Variants in NR3C1 observed in about 807,000 individuals in gnomAD.
NR3C1 encodes the protein glucocorticoid receptor.
NR3C1 carries 14 observed loss-of-function variants against 74.0 expected under a neutral mutation model. That is an observed-to-expected ratio of 0.19 (90% CI 0.12 to 0.30). The LOEUF is 0.30. Ranked by LOEUF, NR3C1 falls within the 10% of genes least tolerant of loss-of-function variation. NR3C1 has a pLI of 1.00. For missense variants in NR3C1, 695 were observed against 909.8 expected, an observed-to-expected ratio of 0.76 and a Z score of 3.04; for synonymous variants, 308 against 332.5, an observed-to-expected ratio of 0.93 and a Z score of 0.80.
chr5:143,287,266 CCAA>C (rs1356632416), intron 7 of NR3C1, among the ~76,000 whole-genome samples: 8 of 151,864 alleles, frequency 5.3e-5, no homozygotes, highest in Admixed American at 1.3e-4. Flanking sequence ...TTTGTAAAGA[CCAA>C]CAAAATTGAT....
chr5:143,387,690 C>T lies in NR3C1; in HGVS notation c.1184+11966G>A, dbSNP rs75495982. The stretch of plus-strand genomic sequence containing the variant: ...TTTCTCTTTTCTGCGACTGTCATTG[C>T]CATATTAGGTTGAACTCTCCTATAA... On this transcript the variant is annotated intron_variant, in intron 2 of 8. Transcript: ENST00000394464. 1.0e-3 allele frequency among the ~76,000 whole-genome samples: 154 copies of T among 152,218 alleles called. 3 individuals carry two copies. The East Asian group carries it at 0.022, about 22-fold the overall frequency.
chr5:143,305,819 C>T (rs1192223380), intron 4 of NR3C1, among the ~76,000 whole-genome samples: 2 of 152,094 alleles, frequency 1.3e-5, no homozygotes, highest in African/African-American at 4.8e-5. Flanking sequence ...CAATCATACT[C>T]CAAACACCGG....
intron 6 of NR3C1, among the ~76,000 whole-genome samples, chr5:143,296,155 A>G (rs1040334681): frequency 1.3e-5 from 2 of 152,208 alleles, no homozygotes; most frequent in Non-Finnish European, 2.9e-5. Flanking sequence ...ATTCTTGCTT[A>G]TGATTCTGAA....
chr5:143,307,872 A>T (rs1229877391), intron 4 of NR3C1, among the ~76,000 whole-genome samples: 1 of 152,246 alleles, frequency 6.6e-6, no homozygotes, highest in Admixed American at 6.5e-5. Flanking sequence ...TAACAAAAAT[A>T]AACTACCCTT....
intron 2 of NR3C1, among the ~76,000 whole-genome samples, chr5:143,398,948 A>C (rs1009922138): frequency 3.3e-5 from 5 of 152,200 alleles, no homozygotes; most frequent in African/African-American, 1.2e-4. Flanking sequence ...ACTTGCAGGA[A>C]CATTTGAACG....
Position 143,300,664 on chromosome 5 carries a change from G to C in NR3C1, c.1568C>G (p.Ala523Gly). ...GGTAGGGGTGAGTTGTGGTAACGTT[G>C]CAGGAACTATTGTTTTGTTACCAGG... ...ENPGNKTIVP[A>G]TLPQLTPTLV... Residue 523 changes from alanine (A) to glycine (G), a missense_variant, in exon 5 of 9, where the codon GCA becomes GGA. By Grantham distance (60) the Ala-to-Gly change is moderately conservative (BLOSUM62 0). This residue lies in a region of NR3C1 where 42 missense variants were observed against 49.3 expected (regional missense o/e 0.85). Coordinates refer to ENST00000394464, the MANE Select transcript of NR3C1 (RefSeq NM_000176.3). This position sits in a 1 kb window ranked among gnomAD's most constrained non-coding sequence, Gnocchi z 5.2. The C allele has an allele frequency of 6.2e-7, 1 of 1,614,142 alleles. No individual in the cohort carries two copies. The highest frequency in any genetic ancestry group is 1.1e-5 in the South Asian group (1 of 91,088).
At chr5:143,386,124 G>A (rs138892997) in intron 2 of NR3C1, among the ~76,000 whole-genome samples, 187 of 152,306 alleles carry the variant, frequency 1.2e-3, no homozygotes, top group African/African-American at 4.3e-3. Context: ...AGTGAGTGAA[G>A]AGGGAAGTGC....
intron 2 of NR3C1, among the ~76,000 whole-genome samples, chr5:143,373,990 T>C (rs367902032): frequency 2.6e-5 from 4 of 152,352 alleles, no homozygotes; most frequent in South Asian, 4.1e-4. Flanking sequence ...CTAACTTCAG[T>C]TACTCTTTCT....
At chr5:143,282,221 T>G (rs72481859) in intron 8 of NR3C1, among the ~76,000 whole-genome samples, 180 bp from the exon 9 acceptor site, 2 of 152,330 alleles carry the variant, frequency 1.3e-5, no homozygotes, top group East Asian at 3.9e-4. Context: ...TTTGATTGTA[T>G]GTAGAATTAT....
chr5:143,333,430 A>G lies in NR3C1; in HGVS notation c.1185-19262T>C, dbSNP rs370573350. 1.8e-4 allele frequency among the ~76,000 whole-genome samples: 27 copies of G among 152,320 alleles called. No individual in the cohort carries two copies. In the South Asian group the frequency reaches 5.6e-3, roughly 32 times the overall value. ...GAATGCCTGATTAGGACATGGGGCTATGCATAGCCTAAGAGTTATAGGCTT... is the reference window on the plus strand; with the variant it reads ...GAATGCCTGATTAGGACATGGGGCTGTGCATAGCCTAAGAGTTATAGGCTT... On this transcript the variant is annotated intron_variant, in intron 2 of 8. Coordinates refer to ENST00000394464, the MANE Select transcript of NR3C1 (RefSeq NM_000176.3).
intron 2 of NR3C1, among the ~76,000 whole-genome samples, chr5:143,370,274 C>T (rs1017584000): frequency 4.6e-5 from 7 of 152,164 alleles, no homozygotes; most frequent in Non-Finnish European, 8.8e-5. Flanking sequence ...GACTTTATAG[C>T]ACCTTGGAAT....
rs76540492 is a variant in NR3C1 at position 143,282,047 on chromosome 5, A to G, written c.2182-6T>C. Reference sequence around the variant, plus strand: ...TTAAGGAGATTTTCAACCACCTGCAAGAGAAGATATGGTAATGATCAGGCT... The same window carrying G: ...TTAAGGAGATTTTCAACCACCTGCAGGAGAAGATATGGTAATGATCAGGCT... On this transcript the variant is annotated splice_polypyrimidine_tract_variant and splice_region_variant and intron_variant, in intron 8 of 8. Coordinates refer to ENST00000394464, the MANE Select transcript of NR3C1 (RefSeq NM_000176.3). 10 of 1,613,356 alleles carry G rather than the reference A, an allele frequency of 6.2e-6. No individual in the cohort carries two copies. The East Asian group carries it at 2.0e-4, about 32-fold the overall frequency.
intron 7 of NR3C1, among the ~76,000 whole-genome samples, chr5:143,289,629 CAT>C (rs1236157657): frequency 6.6e-6 from 1 of 152,034 alleles, no homozygotes; most frequent in Non-Finnish European, 1.5e-5. Flanking sequence ...ACATGCAAAA[CAT>C]ATATTTAACA....
intron 2 of NR3C1, among the ~76,000 whole-genome samples, chr5:143,372,090 G>C (rs62375505): frequency 6.6e-6 from 1 of 152,190 alleles, no homozygotes; most frequent in Non-Finnish European, 1.5e-5. Flanking sequence ...AACTTTTGCA[G>C]TCTGAGATAT....
chr5:143,345,422 C>G (rs1829091770), intron 2 of NR3C1, among the ~76,000 whole-genome samples: 1 of 152,158 alleles, frequency 6.6e-6, no homozygotes, highest in South Asian at 2.1e-4. Flanking sequence ...GTTGGTCAGG[C>G]TGGTGTTGAA....
At chr5:143,305,798 G>A (rs1022458433) in intron 4 of NR3C1, among the ~76,000 whole-genome samples, 86 of 152,300 alleles carry the variant, frequency 5.6e-4, no homozygotes, top group African/African-American at 1.9e-3. Context: ...TTACTTCCTA[G>A]ATGAAAGGTT....
intron 2 of NR3C1, among the ~76,000 whole-genome samples, chr5:143,389,010 A>G (rs1045077679): frequency 6.6e-6 from 1 of 152,084 alleles, no homozygotes; most frequent in Non-Finnish European, 1.5e-5. Flanking sequence ...CATTTGTTTC[A>G]GACTCCTTGT....
chr5:143,409,036 C>A (rs1329847077), intron 1 of NR3C1: 1 of 152,104 alleles, frequency 6.6e-6, no homozygotes, highest in Non-Finnish European at 1.5e-5. Context: ...CAGTAATAAG[C>A]AACAAATGGC....
chr5:143,430,348 T>C (rs1751752476), intron 1 of NR3C1, among the ~76,000 whole-genome samples: 1 of 152,232 alleles, frequency 6.6e-6, no homozygotes, highest in Admixed American at 6.5e-5. Flanking sequence ...TGGATATCTC[T>C]GGATGTGAGA....
Sources: allele counts gnomAD v4.1 joint callset (sites outside exome capture counted in the v4.1 genomes callset), GRCh38; gene constraint gnomAD v4.1.1; regional missense constraint gnomAD v4.1.1; non-coding constraint Gnocchi (gnomAD v3.1); transcripts MANE v1.5; gene names NCBI Gene and HGNC (gene_info 2026-07-23, HGNC 2026-07-21).